Variants in BICD1 observed in about 807,000 individuals in gnomAD.
BICD1 encodes the protein protein bicaudal D homolog 1.
A neutral mutation model predicts 92.5 loss-of-function variants in BICD1; 35 were observed. The ratio of observed to expected loss-of-function variants is 0.38; its 90% CI spans 0.29 to 0.50. The LOEUF (loss-of-function observed/expected upper bound fraction) is 0.50, where lower values mean the gene tolerates loss of function less well. Among genes scored for constraint, BICD1 ranks in the 20% least tolerant of loss-of-function variants. The pLI, the probability that BICD1 is intolerant of heterozygous loss-of-function variation, is 0.93. For missense variants in BICD1, 950 were observed against 1,189.8 expected (o/e 0.80, Z 2.97); for synonymous variants, 429 against 465.1 (o/e 0.92, Z 1.00).
At chr12:32,195,750 A>G (rs545252231) in intron 1 of BICD1, among the ~76,000 whole-genome samples, 2 of 152,330 alleles carry the variant, frequency 1.3e-5, no homozygotes, top group South Asian at 2.1e-4. Context: ...ACAAAAGCAC[A>G]GGCAACAAAT....
intron 1 of BICD1, among the ~76,000 whole-genome samples, chr12:32,191,594 T>C (rs1053258374): frequency 6.9e-6 from 1 of 144,238 alleles, no homozygotes; most frequent in African/African-American, 2.5e-5. Context: ...GTATATATAA[T>C]ATGTAATATA....
At chr12:32,153,833 TATATA>T (rs1943361059) in intron 1 of BICD1, among the ~76,000 whole-genome samples, 1 of 150,500 alleles carries the variant, frequency 6.6e-6, no homozygotes, top group Non-Finnish European at 1.5e-5. Context: ...ATATCTAATA[TATATA>T]ATATATATGT....
intron 1 of BICD1, among the ~76,000 whole-genome samples, chr12:32,138,307 A>G (rs1942799857): frequency 6.6e-6 from 1 of 152,228 alleles, no homozygotes; most frequent in Non-Finnish European, 1.5e-5. Flanking sequence ...TCAGTCAGGC[A>G]GTGTGACTTC....
intron 2 of BICD1, among the ~76,000 whole-genome samples, chr12:32,279,261 G>T (rs1344860885): frequency 6.6e-6 from 1 of 152,182 alleles, no homozygotes; most frequent in Non-Finnish European, 1.5e-5. Context: ...AAAAGATACA[G>T]AATTTATTTT....
rs181026578 is a variant in BICD1, at chr12:32,289,379, T to C, written c.427-4615T>C. ...ATATATCTATTGTGATATCAGAGTC[T>C]GTTGTTTGTTTGTGTGTTTGTTTGT... On this transcript the variant is annotated intron_variant, in intron 2 of 9. Transcript: ENST00000652176. 1.6e-3 allele frequency among the ~76,000 whole-genome samples: 246 copies of C among 152,324 alleles called. 2 individuals carry two copies. The highest frequency in any genetic ancestry group is 5.7e-3 in the African/African-American group (238 of 41,574).
At chr12:32,108,233 G>C (rs372566336) in intron 1 of BICD1, 121 of 182,222 alleles carry the variant, frequency 6.6e-4, no homozygotes, top group Non-Finnish European at 1.1e-3. Flanking sequence ...CTGAAAGAGT[G>C]GTGTATATCA....
At chr12:32,229,335 G>A in intron 2 of BICD1, among the ~76,000 whole-genome samples, 1 of 152,110 alleles carries the variant, frequency 6.6e-6, no homozygotes, top group Non-Finnish European at 1.5e-5. Flanking sequence ...AATCACCAAG[G>A]GCAGATATGT....
intron 1 of BICD1, among the ~76,000 whole-genome samples, chr12:32,129,452 G>A (rs1173857624): frequency 1.3e-5 from 2 of 150,710 alleles, no homozygotes; most frequent in African/African-American, 2.4e-5. Context: ...TTGAACCCAG[G>A]AGGTGGAGGT....
intron 8 of BICD1, chr12:32,353,700 T>C (rs1038424255): frequency 6.6e-6 from 1 of 152,208 alleles, no homozygotes; most frequent in Non-Finnish European, 1.5e-5. Context: ...GGATTCTTGA[T>C]TGTAGTTTAA....
chr12:32,236,326 C>T (rs1375038835), intron 2 of BICD1, among the ~76,000 whole-genome samples: 7 of 151,736 alleles, frequency 4.6e-5, no homozygotes, highest in African/African-American at 7.3e-5. Flanking sequence ...ACTGGGGAGG[C>T]GGAGGTTGCA....
intron 8 of BICD1, among the ~76,000 whole-genome samples, chr12:32,350,285 C>T (rs1440712451): frequency 1.3e-5 from 2 of 152,052 alleles, no homozygotes; most frequent in Admixed American, 1.3e-4. Flanking sequence ...GAGTTCAAGA[C>T]CAGCCTGGGC....
intron 8 of BICD1, among the ~76,000 whole-genome samples, chr12:32,356,432 G>A (rs1451440490): frequency 1.3e-5 from 2 of 152,056 alleles, no homozygotes; most frequent in East Asian, 1.9e-4. Context: ...CGAGCGGATC[G>A]TTTGAGTGCA....
intron 1 of BICD1, among the ~76,000 whole-genome samples, chr12:32,176,322 A>G (rs981245985): frequency 1.3e-5 from 2 of 152,098 alleles, no homozygotes; most frequent in African/African-American, 4.8e-5. Flanking sequence ...ACACCATTTT[A>G]TATTTCTAGC....
chr12:32,144,503 A>C (rs1943046207), intron 1 of BICD1, among the ~76,000 whole-genome samples: 1 of 152,238 alleles, frequency 6.6e-6, no homozygotes, highest in South Asian at 2.1e-4. Flanking sequence ...TTATGGTTTA[A>C]ACCAGCAAAA....
intron 9 of BICD1, among the ~76,000 whole-genome samples, chr12:32,376,849 A>C (rs1328759181): frequency 1.4e-4 from 19 of 133,894 alleles, no homozygotes; most frequent in African/African-American, 5.2e-4. Context: ...GCCTGGGCAA[A>C]ACAACGAGAC....
intron 1 of BICD1, among the ~76,000 whole-genome samples, chr12:32,196,617 G>A (rs1944734248): frequency 6.6e-6 from 1 of 152,194 alleles, no homozygotes; most frequent in Non-Finnish European, 1.5e-5. Context: ...GGTTGCCAGG[G>A]TCTGGGGGTG....
intron 6 of BICD1, among the ~76,000 whole-genome samples, chr12:32,335,098 G>A (rs1592689980): frequency 6.6e-6 from 1 of 152,064 alleles, no homozygotes; most frequent in Non-Finnish European, 1.5e-5. Flanking sequence ...AGTACTGTGC[G>A]AGAAGATACT....
At chr12:32,343,143 C>T (rs1371440642) in intron 8 of BICD1, among the ~76,000 whole-genome samples, 1 of 152,170 alleles carries the variant, frequency 6.6e-6, no homozygotes, top group East Asian at 1.9e-4. Context: ...GTTTCAGTTA[C>T]CAGCTGATCT....
Position 32,374,910 on chromosome 12 carries a change from C to CTTTTTTTT in BICD1, c.2841-2611_2841-2604dup, listed in dbSNP as rs1185628924. 4.0e-5 allele frequency among the ~76,000 whole-genome samples: 2 copies of CTTTTTTTT among 49,604 alleles called. 1 individual carries two copies. The highest frequency in any genetic ancestry group is 2.1e-4 in the African/African-American group (2 of 9,706). 32.5% of individuals were successfully genotyped at this position (49,604 alleles called of 152,430 possible). ...CCTAAGATTTTCTTCATTTATTTTCCTTTTTTTTTTTTTTTTTTTTTTTTT... is the reference window on the plus strand; with the variant it reads ...CCTAAGATTTTCTTCATTTATTTTCCTTTTTTTTTTTTTTTTTTTTTTTTTTTTTTTTT... On this transcript the variant is annotated intron_variant, in intron 9 of 9. Coordinates refer to ENST00000652176, the MANE Select transcript of BICD1 (RefSeq NM_001714.4).
Sources: allele counts gnomAD v4.1 joint callset (sites outside exome capture counted in the v4.1 genomes callset), GRCh38; gene constraint gnomAD v4.1.1; transcripts MANE v1.5; gene names NCBI Gene and HGNC (gene_info 2026-07-23, HGNC 2026-07-21).